The following PSMF1 variants were observed in gnomAD, a reference collection of about 807,000 sequenced individuals.
The protein encoded by PSMF1 is proteasome inhibitor PI31 subunit.
In PSMF1, 30 loss-of-function variants were observed where a neutral mutation model predicts 29.3. The observed-to-expected ratio is 1.02, with a 90% CI of 0.77 to 1.39. The LOEUF is 1.39. Ranked by LOEUF, PSMF1 falls within the 40% of genes most tolerant of loss-of-function variation. PSMF1 has a pLI of 0.00. For missense variants in PSMF1, 344 were observed against 357.5 expected (o/e 0.96, Z 0.31); for synonymous variants, 134 against 139.7 (o/e 0.96, Z 0.29).
In PSMF1 at chr20:1,134,994, A is replaced by G. The variant is rs1427197401; in HGVS notation, c.366-127A>G. The stretch of plus-strand genomic sequence containing the variant: ...CAGCAGGCGGCCTGTTCCCCCACTT[A>G]TAAACAGGCCAAGCGCAATGCCAGG... On this transcript the variant is annotated intron_variant, in intron 3 of 6. Transcript: ENST00000335877. The G allele has an allele frequency of 4.4e-6, 4 of 918,398 alleles. No individual in the cohort carries two copies. In the South Asian group the frequency reaches 5.6e-5, roughly 13 times the overall value. The allele number at this position is 918,398 out of a possible 1,614,324, so 56.9% of individuals were successfully genotyped here. A position where few individuals can be genotyped will look rare whatever the true frequency, so the allele number is the denominator to read the frequency against.
upstream of PSMF1, among the ~76,000 whole-genome samples, chr20:1,116,749 G>C (rs1200848868): frequency 6.6e-6 from 1 of 151,606 alleles, no homozygotes; most frequent in East Asian, 1.9e-4. Context: ...ACCTAACATA[G>C]TTTCAGGTTA....
chr20:1,140,086 C>A (rs1210235156), intron 4 of PSMF1, among the ~76,000 whole-genome samples: 1 of 152,114 alleles, frequency 6.6e-6, no homozygotes, highest in Non-Finnish European at 1.5e-5. Context: ...TTTTTCCCCC[C>A]CAGAAATTGG....
chr20:1,135,294 G>A lies in PSMF1; in HGVS notation c.539G>A (p.Arg180Gln), dbSNP rs369290324. The A allele has an allele frequency of 1.4e-5, 22 of 1,611,946 alleles. No homozygotes were observed. Among genetic ancestry groups the A allele is most frequent in the Admixed American group, 5.0e-5 (3 of 59,918 alleles). The change falls in exon 4 of 7, where the codon CGG (arginine) becomes CAG (glutamine). Residue 180 changes from arginine (R) to glutamine (Q), a missense_variant. Coordinates refer to ENST00000335877, the MANE Select transcript of PSMF1 (RefSeq NM_006814.5). ...CCTCCACACCACCCACACACCAGTC[G>A]GCAGCCTCCCTGGTGAGTACAGAGT... ...RIPPHHPHTSRQPPWCDPLGP... is the reference protein window; with the variant it reads ...RIPPHHPHTSQQPPWCDPLGP...
chr20:1,139,069 G>A lies in PSMF1; in HGVS notation c.551+3763G>A, dbSNP rs556249470. 3.3e-5 allele frequency among the ~76,000 whole-genome samples: 5 copies of A among 152,012 alleles called. No individual in the cohort carries two copies. The East Asian group carries it at 7.8e-4, about 24-fold the overall frequency. ...TGCATGCCTGTAATCCCAGCTACTC[G>A]GTAGGCTGAGGCAGAATCGCTTGAA... is the stretch of plus-strand genomic sequence containing the variant. On this transcript the variant is annotated intron_variant, in intron 4 of 6. Transcript: ENST00000335877.
chr20:1,137,036 T>C (rs1008492144), intron 4 of PSMF1, among the ~76,000 whole-genome samples: 2 of 152,194 alleles, frequency 1.3e-5, no homozygotes, highest in Non-Finnish European at 2.9e-5. Context: ...TGCAGGTCAT[T>C]CTTCATTTCG....
chr20:1,164,241 C>A lies in PSMF1; in HGVS notation c.606-77C>A. 1 of 1,407,560 alleles carries A rather than the reference C, an allele frequency of 7.1e-7. No homozygotes were observed. Among genetic ancestry groups the A allele is most frequent in the Non-Finnish European group, 1.0e-6 (1 of 996,578 alleles). 87.2% of individuals were successfully genotyped at this position (1,407,560 alleles called of 1,614,324 possible). A position where few individuals can be genotyped will look rare whatever the true frequency, so the allele number is the denominator to read the frequency against. On this transcript the variant is annotated intron_variant, in intron 5 of 6. Coordinates refer to ENST00000335877, the MANE Select transcript of PSMF1 (RefSeq NM_006814.5). This position sits in a 1 kb window ranked among gnomAD's most constrained non-coding sequence, Gnocchi z 4.1. Reference sequence around the variant, plus strand: ...GTAGACATCCCAGCCATTCTTGGTGCATTGTAACCTCCCTCGCCTTTTCTC... The same window carrying A: ...GTAGACATCCCAGCCATTCTTGGTGAATTGTAACCTCCCTCGCCTTTTCTC...
intron 4 of PSMF1, chr20:1,161,267 A>G: frequency 3.1e-6 from 1 of 321,174 alleles, no homozygotes; most frequent in African/African-American, 2.2e-5. Context: ...CCGCTATGTC[A>G]TCCTTCTCCC....
chr20:1,135,229 C>A lies in PSMF1; in HGVS notation c.474C>A (p.Phe158Leu). 6.2e-7 allele frequency: 1 copy of A among 1,613,994 alleles called. No individual in the cohort carries two copies. Among genetic ancestry groups the A allele is most frequent in the Non-Finnish European group, 8.5e-7 (1 of 1,179,938 alleles). Reference protein sequence around the residue: ...KANVSSPHREFPPATAREVDP... With the variant: ...KANVSSPHRELPPATAREVDP... Reference sequence around the variant, plus strand: ...ATGTAAGCAGTCCCCACCGGGAGTTCCCCCCTGCTACCGCCAGAGAGGTGG... The same window carrying A: ...ATGTAAGCAGTCCCCACCGGGAGTTACCCCCTGCTACCGCCAGAGAGGTGG... Residue 158 changes from phenylalanine (F) to leucine (L), a missense_variant, in exon 4 of 7, where the codon TTC becomes TTA. By Grantham distance (22) the Phe-to-Leu change is conservative. Transcript: ENST00000335877.
Position 1,164,983 on chromosome 20 carries a change from TG to T in PSMF1, c.765-44del. 2 of 1,521,030 alleles carry T rather than the reference TG, an allele frequency of 1.3e-6. No homozygotes were observed. Among genetic ancestry groups the T allele is most frequent in the Non-Finnish European group, 1.8e-6 (2 of 1,095,424 alleles). The allele number at this position is 1,521,030 out of a possible 1,614,324, so 94.2% of individuals were successfully genotyped here. ...AGGGTCATGTCTGCCCATGTTCCCC[TG>T]GTCTCTCCATCACTCCAACTCATCA... On this transcript the variant is annotated intron_variant, in intron 6 of 6. Coordinates refer to ENST00000335877, the MANE Select transcript of PSMF1 (RefSeq NM_006814.5). This position sits in a 1 kb window ranked among gnomAD's most constrained non-coding sequence, Gnocchi z 4.1.
chr20:1,116,575 G>C (rs1033537322), upstream of PSMF1, among the ~76,000 whole-genome samples: 3 of 152,196 alleles, frequency 2.0e-5, no homozygotes, highest in South Asian at 2.1e-4. Context: ...GTTGGGGCTA[G>C]GCCAAGAATT....
chr20:1,159,629 G>A (rs986866021), intron 4 of PSMF1, among the ~76,000 whole-genome samples: 3 of 152,202 alleles, frequency 2.0e-5, no homozygotes. Flanking sequence ...TGGGCGGGGG[G>A]GCACTTCATG....
At position 1,164,531 on chromosome 20, in the gene PSMF1, G is replaced by C; in HGVS notation, c.764+55G>C. On this transcript the variant is annotated intron_variant, in intron 6 of 6. Coordinates refer to ENST00000335877, the MANE Select transcript of PSMF1 (RefSeq NM_006814.5). This position sits in a 1 kb window ranked among gnomAD's most constrained non-coding sequence, Gnocchi z 4.1. ...TAGGACCTGATGGCAGCTTGGTTCA[G>C]TGTGGCAGCAATGAAGGTTTCTAGC... 6.3e-7 allele frequency: 1 copy of C among 1,597,320 alleles called. No individual in the cohort carries two copies. Among genetic ancestry groups the C allele is most frequent in the South Asian group, 1.1e-5 (1 of 90,440 alleles).
At chr20:1,126,160 A>T (rs542461531) in intron 2 of PSMF1, among the ~76,000 whole-genome samples, 1 of 152,284 alleles carries the variant, frequency 6.6e-6, no homozygotes, top group East Asian at 1.9e-4. Context: ...AATCTAAATT[A>T]TGTCTCTTTA....
intron 4 of PSMF1, among the ~76,000 whole-genome samples, chr20:1,139,571 C>T (rs1011475541): frequency 1.3e-5 from 2 of 151,982 alleles, no homozygotes; most frequent in Admixed American, 6.5e-5. Flanking sequence ...CGGTGAAACC[C>T]CGTCTCTACT....
rs1188881126 is a variant in PSMF1 at position 1,118,852 on chromosome 20, C to T, written c.79C>T (p.His27Tyr). 2 of 1,613,910 alleles carry T rather than the reference C, an allele frequency of 1.2e-6. No individual in the cohort carries two copies. Among genetic ancestry groups the T allele is most frequent in the South Asian group, 1.1e-5 (1 of 91,076 alleles). Residue 27 changes from histidine to tyrosine, a missense_variant, in exon 1 of 7, where the codon CAT becomes TAT. By Grantham distance (83) the His-to-Tyr change is moderately conservative (BLOSUM62 2). Coordinates refer to ENST00000335877, the MANE Select transcript of PSMF1 (RefSeq NM_006814.5). Reference protein sequence around the residue: ...CRQDALVCFLHWEVVTHGYFG... With the variant: ...CRQDALVCFLYWEVVTHGYFG... ...GCAGGACGCGCTCGTCTGCTTCTTGCATTGGGAAGTGGTGACACACGGTTA... is the reference window on the plus strand; with the variant it reads ...GCAGGACGCGCTCGTCTGCTTCTTGTATTGGGAAGTGGTGACACACGGTTA...
At position 1,165,376 on chromosome 20, in the gene PSMF1, C is replaced by A; in HGVS notation, c.*296C>A. The A allele has an allele frequency of 2.3e-6, 3 of 1,323,778 alleles. No homozygotes were observed. The highest frequency in any genetic ancestry group is 2.9e-6 in the Non-Finnish European group (3 of 1,036,184). 82.0% of individuals were successfully genotyped at this position (1,323,778 alleles called of 1,614,324 possible). A position where few individuals can be genotyped will look rare whatever the true frequency, so the allele number is the denominator to read the frequency against. On this transcript the variant is annotated 3_prime_UTR_variant, in exon 7 of 7. Coordinates refer to ENST00000335877, the MANE Select transcript of PSMF1 (RefSeq NM_006814.5). ...CAAGGGAGACTCCGGCAACCTTCAG[C>A]AACATATATCCTCGACCAGATGCAG... is the stretch of plus-strand genomic sequence containing the variant.
At chr20:1,118,995 C>A in intron 1 of PSMF1, 93 bp downstream of exon 1, 1 of 1,494,434 alleles carries the variant, frequency 6.7e-7, no homozygotes. Flanking sequence ...CCGATTTCCC[C>A]GCTTCTCCCA....
Position 1,167,439 on chromosome 20 carries a change from TCCA to T in PSMF1, c.*2366_*2368del, listed in dbSNP as rs1212261189. 6.6e-6 allele frequency: 1 copy of T among 152,246 alleles called. No homozygotes were observed. The highest frequency in any genetic ancestry group is 1.9e-4 in the East Asian group (1 of 5,198). 9.4% of individuals were successfully genotyped at this position (152,246 alleles called of 1,614,324 possible). ...TTTAGTATGTTCACAGTGTTGCACA[TCCA>T]CCACCATTTCTAATTCCTGAACATT... is the stretch of plus-strand genomic sequence containing the variant. On this transcript the variant is annotated 3_prime_UTR_variant, in exon 7 of 7. Transcript: ENST00000335877.
intron 2 of PSMF1, 41 bp from the exon 3 acceptor site, chr20:1,127,385 G>A: frequency 6.7e-7 from 1 of 1,486,068 alleles, no homozygotes; most frequent in South Asian, 1.1e-5. Flanking sequence ...CTCTTAGCCA[G>A]AAATATCCCA....
Sources: gnomAD v4.1 joint callset for allele counts (sites outside exome capture counted in the v4.1 genomes callset) on GRCh38, gnomAD v4.1.1 for gene constraint, Gnocchi (gnomAD v3.1) non-coding constraint, MANE v1.5 for transcripts, NCBI Gene and HGNC (gene_info 2026-07-23, HGNC 2026-07-21) for gene names.